The following BLTP1 variants were observed in gnomAD, a reference collection of about 807,000 sequenced individuals.
BLTP1 encodes fragile site-associated protein.
chr4:122,220,519 A>G, the BLTP1 span: 1 of 1,467,966 alleles, frequency 6.8e-7, no homozygotes, highest in Non-Finnish European at 9.4e-7. Context: ...TATTATTAAT[A>G]TTTATTGGGT....
the BLTP1 span, chr4:122,307,397 TTCC>T: frequency 1.1e-6 from 1 of 880,832 alleles, no homozygotes; most frequent in Non-Finnish European, 1.4e-6. Context: ...GCATTTGCTT[TTCC>T]TCCTACTTCT....
At chr4:122,276,394 A>G in the BLTP1 span, 2 of 926,302 alleles carry the variant, frequency 2.2e-6, no homozygotes, top group Non-Finnish European at 2.6e-6. Context: ...TGTAGAAATA[A>G]TTATTAAAAC....
At chr4:122,276,840 T>C in the BLTP1 span, 1 of 978,830 alleles carries the variant, frequency 1.0e-6, no homozygotes, top group Non-Finnish European at 1.2e-6. Context: ...TAGATTTTAC[T>C]GTTTATAAAC....
the BLTP1 span, chr4:122,333,480 T>G: frequency 1.4e-6 from 1 of 737,460 alleles, no homozygotes; most frequent in Non-Finnish European, 2.0e-6. Context: ...ATGGGGTTGT[T>G]TGTTTTTTTC....
chr4:122,269,488 C>G, the BLTP1 span: 4 of 985,208 alleles, frequency 4.1e-6, no homozygotes, highest in Non-Finnish European at 4.8e-6. Flanking sequence ...AGCTCCGATG[C>G]TCCACATTCT....
At chr4:122,175,758 TTCATTA>T in the BLTP1 span, 4 of 803,030 alleles carry the variant, frequency 5.0e-6, no homozygotes, top group Non-Finnish European at 8.4e-6. Flanking sequence ...TATTTCCTTG[TTCATTA>T]TCAATTGGCT....
At chr4:122,188,040 G>A in the BLTP1 span, 6 of 1,577,632 alleles carry the variant, frequency 3.8e-6, no homozygotes, top group South Asian at 1.2e-5. Context: ...GAAAATGTTC[G>A]AGTCATGCTT....
the BLTP1 span, chr4:122,298,998 C>CT: frequency 1.0e-6 from 1 of 985,314 alleles, no homozygotes; most frequent in Non-Finnish European, 1.2e-6. Flanking sequence ...AACACAGGTG[C>CT]TTTATACTTG....
chr4:122,346,893 C>A, the BLTP1 span: 1 of 1,432,960 alleles, frequency 7.0e-7, no homozygotes, highest in Non-Finnish European at 9.2e-7. Context: ...CCATTGGGCC[C>A]CTCTAATATG....
the BLTP1 span, chr4:122,221,874 A>C: frequency 6.0e-5 from 59 of 983,824 alleles, no homozygotes; most frequent in Non-Finnish European, 7.0e-5. Context: ...TTTTATGAGT[A>C]CCTGGTAGCC....
At chr4:122,182,835 A>G in the BLTP1 span, 1 of 984,474 alleles carries the variant, frequency 1.0e-6, no homozygotes, top group East Asian at 1.1e-4. Context: ...TTCTTTTTTT[A>G]AATCCCTCTC....
chr4:122,307,185 AT>A, the BLTP1 span, among the ~76,000 whole-genome samples: 1 of 152,114 alleles, frequency 6.6e-6, no homozygotes, highest in African/African-American at 2.4e-5. Flanking sequence ...AAATTTATTT[AT>A]GTTTCATATA....
chr4:122,336,478 A>C, the BLTP1 span: 1 of 781,818 alleles, frequency 1.3e-6, no homozygotes, highest in East Asian at 3.1e-5. Flanking sequence ...AAAGAATTAT[A>C]AACTGTAAAA....
chr4:122,261,030 TAAG>T, the BLTP1 span, among the ~76,000 whole-genome samples: 2 of 152,164 alleles, frequency 1.3e-5, no homozygotes, highest in Non-Finnish European at 2.9e-5. Flanking sequence ...TAAAGATAGA[TAAG>T]AAACAGTTAA....
At chr4:122,309,802 T>G in the BLTP1 span, among the ~76,000 whole-genome samples, 1 of 152,010 alleles carries the variant, frequency 6.6e-6, no homozygotes, top group African/African-American at 2.4e-5. Flanking sequence ...AATATCCAAC[T>G]CACCATAAAA....
At chr4:122,213,599 GA>G in the BLTP1 span, among the ~76,000 whole-genome samples, 1 of 151,400 alleles carries the variant, frequency 6.6e-6, no homozygotes. Context: ...AATAAACTAG[GA>G]AAAAAATCAC....
At chr4:122,221,334 G>A in the BLTP1 span, among the ~76,000 whole-genome samples, 1 of 151,908 alleles carries the variant, frequency 6.6e-6, no homozygotes, top group African/African-American at 2.4e-5. Context: ...GATCATATTA[G>A]CTAAAACTTA....
chr4:122,277,897 T>C, the BLTP1 span, among the ~76,000 whole-genome samples: 3 of 152,056 alleles, frequency 2.0e-5, no homozygotes, highest in Non-Finnish European at 4.4e-5. Context: ...TGAATGGGGG[T>C]AAAATAAAAA....
the BLTP1 span, chr4:122,275,848 C>G: frequency 8.7e-7 from 1 of 1,146,544 alleles, no homozygotes; most frequent in African/African-American, 1.6e-5. Flanking sequence ...TTTAAAGGAA[C>G]ATTTTAAGAG....
Sources: allele counts gnomAD v4.1 joint callset (sites outside exome capture counted in the v4.1 genomes callset), GRCh38; gene constraint gnomAD v4.1.1; transcripts MANE v1.5; gene names NCBI Gene and HGNC (gene_info 2026-07-23, HGNC 2026-07-21).